Variants in ANKRD18A observed in about 807,000 individuals in gnomAD.
ANKRD18A encodes the protein ankyrin repeat domain-containing protein 18A.
A neutral mutation model predicts 110.6 loss-of-function variants in ANKRD18A; 72 were observed. The ratio of observed to expected loss-of-function variants is 0.65; its 90% CI spans 0.54 to 0.79. ANKRD18A has a LOEUF of 0.79. Ranked by LOEUF, ANKRD18A falls within the 30% of genes least tolerant of loss-of-function variation. The probability of loss-of-function intolerance (pLI) is 0.00; values close to 1 mark genes in which losing one functional copy is unlikely to be tolerated. For synonymous variants in ANKRD18A, 305 were observed against 410.3 expected, an observed-to-expected ratio of 0.74 and a Z score of 3.10; for missense variants, 934 against 1,163.3, an observed-to-expected ratio of 0.80 and a Z score of 2.87.
chr9:38,577,983 G>A lies in ANKRD18A; in HGVS notation c.2413C>T (p.Leu805Phe), dbSNP rs540436588. 4.0e-5 allele frequency: 63 copies of A among 1,571,332 alleles called. 1 individual carries two copies. In the South Asian group the frequency reaches 6.1e-4, roughly 15 times the overall value. ...KKMLEEEVLN[L>F]KTHMEKDMVE... The stretch of plus-strand genomic sequence containing the variant: ...ATATCTTTTTCCATATGTGTCTTAA[G>A]ATTTAATACTTCTTCTTCCAACATC... The change falls in exon 13 of 16, where the codon CTT becomes TTT. Residue 805 changes from leucine to phenylalanine, a missense_variant. By Grantham distance (22) the Leu-to-Phe change is conservative. Coordinates refer to ENST00000399703, the MANE Select transcript of ANKRD18A (RefSeq NM_147195.4).
downstream of ANKRD18A, chr9:38,566,450 T>C (rs2118582958): frequency 6.6e-6 from 1 of 152,318 alleles, no homozygotes; most frequent in South Asian, 2.1e-4. Flanking sequence ...GCCTTCACTG[T>C]CCATGTTTCT....
At position 38,593,897 on chromosome 9, in the gene ANKRD18A, C is replaced by T; in HGVS notation, c.1867G>A (p.Glu623Lys). ...EKAEREVIVR[E>K]FQEELVDHLK... ...TGATCGACCAGTTCTTCTTGAAATTCTCTCACAATCACCTGACAAAATATT... is the reference window on the plus strand; with the variant it reads ...TGATCGACCAGTTCTTCTTGAAATTTTCTCACAATCACCTGACAAAATATT... The change falls in exon 10 of 16, where the codon GAA becomes AAA. Residue 623 changes from glutamate (E) to lysine (K), a missense_variant. Glu to Lys is a moderately conservative substitution (Grantham distance 56). Transcript: ENST00000399703. The T allele has an allele frequency of 6.7e-7, 1 of 1,481,672 alleles. No individual in the cohort carries two copies. The highest frequency in any genetic ancestry group is 2.6e-5 in the Admixed American group (1 of 38,768). 91.8% of individuals were successfully genotyped at this position (1,481,672 alleles called of 1,614,324 possible).
intron 9 of ANKRD18A, among the ~76,000 whole-genome samples, chr9:38,595,200 T>A (rs1271423345): frequency 2.6e-5 from 4 of 152,306 alleles, no homozygotes; most frequent in African/African-American, 7.2e-5. Context: ...TACTGTGTCG[T>A]GCAACCATCT....
At chr9:38,594,403 C>G (rs113009159) in intron 9 of ANKRD18A, among the ~76,000 whole-genome samples, 1 of 152,104 alleles carries the variant, frequency 6.6e-6, no homozygotes, top group Non-Finnish European at 1.5e-5. Flanking sequence ...TCACAGACAG[C>G]TAAAAGTATC....
chr9:38,585,984 A>G (rs932147564), intron 12 of ANKRD18A, among the ~76,000 whole-genome samples, 199 bp downstream of exon 12: 2 of 152,124 alleles, frequency 1.3e-5, no homozygotes, highest in African/African-American at 4.8e-5. Context: ...AGGGAAGGGA[A>G]CAACAAACAC....
chr9:38,602,973 A>G (rs139019981), intron 7 of ANKRD18A, among the ~76,000 whole-genome samples, 186 bp downstream of exon 7: 3,703 of 152,282 alleles, frequency 0.024, 69 homozygotes, highest in Middle Eastern at 0.048. Context: ...AGCAACACCA[A>G]TATTTTCAAA....
In ANKRD18A at chr9:38,575,617, A is replaced by G. The variant is rs1823854466; in HGVS notation, c.2823T>C (p.Pro941=). ...AAGGTAACTCTGGTTCTGGCCTTGTAGGAAGAGTGCTGAGAAAATATTTCA... is the reference window on the plus strand; with the variant it reads ...AAGGTAACTCTGGTTCTGGCCTTGTGGGAAGAGTGCTGAGAAAATATTTCA... ...QRMKYFLSTL[P]TRPEPELPCV... is the part of the protein sequence containing the mutation. The change falls in exon 15 of 16, where the codon CCT becomes CCC. Residue 941 remains proline (P), a synonymous_variant. Coordinates refer to ENST00000399703, the MANE Select transcript of ANKRD18A (RefSeq NM_147195.4). 2 of 1,551,746 alleles carry G rather than the reference A, an allele frequency of 1.3e-6. No individual in the cohort carries two copies. Among genetic ancestry groups the G allele is most frequent in the South Asian group, 1.2e-5 (1 of 84,050 alleles).
rs530275758 is a variant in ANKRD18A at position 38,613,314 on chromosome 9, T to A, written c.496-1993A>T. 8.1e-4 allele frequency among the ~76,000 whole-genome samples: 123 copies of A among 152,176 alleles called. 1 individual carries two copies. The highest frequency in any genetic ancestry group is 2.8e-3 in the African/African-American group (117 of 41,558). ...CTGCATGAGTCCACTAAAGTTTACA[T>A]GTTGACTCAATTCAAAGAGGCAAAG... is the stretch of plus-strand genomic sequence containing the variant. On this transcript the variant is annotated intron_variant, in intron 3 of 15. Transcript: ENST00000399703.
chr9:38,590,282 G>C (rs745682211), intron 10 of ANKRD18A, among the ~76,000 whole-genome samples: 16 of 147,834 alleles, frequency 1.1e-4, no homozygotes, highest in African/African-American at 1.7e-4. Context: ...TTTTGAGATG[G>C]AGTCACACTC....
chr9:38,608,148 ATAT>A (rs1000195640), intron 5 of ANKRD18A, among the ~76,000 whole-genome samples: 2 of 152,182 alleles, frequency 1.3e-5, no homozygotes, highest in Non-Finnish European at 2.9e-5. Context: ...ATATACAAAT[ATAT>A]TATTATCTCA....
chr9:38,585,840 G>T (rs1824356559), intron 12 of ANKRD18A, among the ~76,000 whole-genome samples: 1 of 152,140 alleles, frequency 6.6e-6, no homozygotes, highest in African/African-American at 2.4e-5. Context: ...ACAAATGAAT[G>T]AGATCATGCT....
intron 12 of ANKRD18A, among the ~76,000 whole-genome samples, chr9:38,583,499 C>T (rs1432853368): frequency 2.0e-5 from 3 of 152,256 alleles, no homozygotes; most frequent in Non-Finnish European, 4.4e-5. Context: ...AAGCAATTCT[C>T]CTGCCTCAGT....
downstream of ANKRD18A, chr9:38,569,495 A>C: frequency 1.0e-6 from 1 of 968,852 alleles, no homozygotes; most frequent in Non-Finnish European, 1.2e-6. Flanking sequence ...GCGTGTCTCT[A>C]ACTGCTCCAC....
At chr9:38,569,348 G>A (rs1272716592), downstream of ANKRD18A, 16 of 984,922 alleles carry the variant, frequency 1.6e-5, no homozygotes, top group East Asian at 3.4e-4. Context: ...CCACCCACCC[G>A]ATAGCGACTG....
chr9:38,599,847 A>AT (rs1263865209), intron 8 of ANKRD18A, among the ~76,000 whole-genome samples: 3 of 151,950 alleles, frequency 2.0e-5, no homozygotes, highest in Admixed American at 6.6e-5. Flanking sequence ...TTCTTGAGAC[A>AT]TTTTTTTGCA....
At chr9:38,619,047 T>C (rs554938370) in intron 1 of ANKRD18A, among the ~76,000 whole-genome samples, 1 of 151,454 alleles carries the variant, frequency 6.6e-6, no homozygotes, top group Admixed American at 6.6e-5. Flanking sequence ...TTCGAGTGTG[T>C]TATCTTTTGT....
Position 38,620,587 on chromosome 9 carries a change from C to G in ANKRD18A, c.-302G>C. ...CCTGAACCTCAGCGCTCCGAACTCT[C>G]AGACCGAGTGAGTCCCCGCGATGCC... is the stretch of plus-strand genomic sequence containing the variant. On this transcript the variant is annotated 5_prime_UTR_variant, in exon 1 of 16. Transcript: ENST00000399703. 1.1e-6 allele frequency: 1 copy of G among 881,508 alleles called. No homozygotes were observed. The allele number at this position is 881,508 out of a possible 1,614,324, so 54.6% of individuals were successfully genotyped here. A position where few individuals can be genotyped will look rare whatever the true frequency, so the allele number is the denominator to read the frequency against.
Position 38,617,317 on chromosome 9 carries a change from G to C in ANKRD18A, c.207-1273C>G, listed in dbSNP as rs539110500. On this transcript the variant is annotated intron_variant, in intron 1 of 15. Coordinates refer to ENST00000399703, the MANE Select transcript of ANKRD18A (RefSeq NM_147195.4). ...TAGCTGGGTGCGGTGGCAGGCACCTGTAATCCCAGCTACTCGGGAGGCTGA... is the reference window on the plus strand; with the variant it reads ...TAGCTGGGTGCGGTGGCAGGCACCTCTAATCCCAGCTACTCGGGAGGCTGA... Among the ~76,000 whole-genome samples the C allele has an allele frequency of 3.2e-4, 48 of 152,188 alleles. No individual in the cohort carries two copies. The South Asian group carries it at 9.7e-3, about 31-fold the overall frequency.
chr9:38,592,647 G>A (rs1463298847), intron 10 of ANKRD18A, among the ~76,000 whole-genome samples: 5 of 151,964 alleles, frequency 3.3e-5, no homozygotes, highest in Non-Finnish European at 5.9e-5. Context: ...TGCAACAGCT[G>A]TTTTCATAAT....
Sources: allele counts gnomAD v4.1 joint callset (sites outside exome capture counted in the v4.1 genomes callset), GRCh38; gene constraint gnomAD v4.1.1; transcripts MANE v1.5; gene names NCBI Gene and HGNC (gene_info 2026-07-23, HGNC 2026-07-21).